The following RAI1 variants were observed in gnomAD, a reference collection of about 807,000 sequenced individuals.
RAI1 encodes retinoic acid induced 1, also known as retinoic acid-induced protein 1.
RAI1 carries 9 observed loss-of-function variants against 123.8 expected under a neutral mutation model. The ratio of observed to expected loss-of-function variants is 0.07; its 90% CI spans 0.04 to 0.13. RAI1 has a LOEUF of 0.13. Ranked by LOEUF, RAI1 falls within the 10% of genes least tolerant of loss-of-function variation. The pLI is 1.00. For synonymous variants in RAI1, 1,231 were observed against 1,127.3 expected (o/e 1.09, Z -1.84); for missense variants, 2,256 against 2,545.8 (o/e 0.89, Z 2.45).
chr17:17,780,896 C>T (rs2031552479), intron 2 of RAI1, among the ~76,000 whole-genome samples: 1 of 152,214 alleles, frequency 6.6e-6, no homozygotes, highest in Non-Finnish European at 1.5e-5. Context: ...CTGGGCCAGC[C>T]TTGCTTTCTG....
At chr17:17,775,601 G>T (rs2031315616) in intron 2 of RAI1, among the ~76,000 whole-genome samples, 1 of 152,138 alleles carries the variant, frequency 6.6e-6, no homozygotes, top group South Asian at 2.1e-4. Context: ...CTAAAGAAAA[G>T]AAAATGTTAT....
intron 2 of RAI1, among the ~76,000 whole-genome samples, chr17:17,731,599 G>A (rs1049953719): frequency 1.3e-5 from 2 of 152,214 alleles, no homozygotes; most frequent in Non-Finnish European, 2.9e-5. Flanking sequence ...GGGACAATGA[G>A]GAGAGGCTTA....
At chr17:17,738,104 G>T (rs1916496742) in intron 2 of RAI1, among the ~76,000 whole-genome samples, 1 of 151,596 alleles carries the variant, frequency 6.6e-6, no homozygotes, top group South Asian at 2.1e-4. Flanking sequence ...GTATGGCATA[G>T]TATGGCCTGA....
chr17:17,722,703 G>T (rs1915924243), intron 1 of RAI1, among the ~76,000 whole-genome samples: 1 of 152,204 alleles, frequency 6.6e-6, no homozygotes, highest in African/African-American at 2.4e-5. Context: ...CCGGCCAGTA[G>T]GCGTCTCCCC....
chr17:17,761,035 T>C (rs1489537984), intron 2 of RAI1, among the ~76,000 whole-genome samples: 1 of 152,208 alleles, frequency 6.6e-6, no homozygotes, highest in Non-Finnish European at 1.5e-5. Flanking sequence ...CAAACAGACC[T>C]GGGTTCAAGC....
chr17:17,795,895 G>A lies in RAI1; in HGVS notation c.2947G>A (p.Glu983Lys), dbSNP rs772512478. Residue 983 changes from glutamate to lysine, a missense_variant, in exon 3 of 6, where the codon GAG becomes AAG. Physicochemically the swap from Glu to Lys is moderately conservative, Grantham distance 56. This residue lies in a region of RAI1 where 566 missense variants were observed against 616.0 expected (regional missense o/e 0.92). Coordinates refer to ENST00000353383, the MANE Select transcript of RAI1 (RefSeq NM_030665.4). This position sits in a 1 kb window ranked among gnomAD's most constrained non-coding sequence, Gnocchi z 5.9. ...AQKPNKPAVP[E>K]APIAKKEPVP... ...GAAGCCCAACAAGCCTGCTGTGCCC[G>A]AGGCGCCCATCGCAAAGAAAGAGCC... 74 of 1,611,580 alleles carry A rather than the reference G, an allele frequency of 4.6e-5. No individual in the cohort carries two copies. Among genetic ancestry groups the A allele is most frequent in the East Asian group, 2.5e-4 (11 of 44,884 alleles).
At chr17:17,742,808 T>G (rs1002233281) in intron 2 of RAI1, among the ~76,000 whole-genome samples, 2 of 152,166 alleles carry the variant, frequency 1.3e-5, no homozygotes, top group African/African-American at 4.8e-5. Context: ...TCTACAACCC[T>G]ATGGGGCCCC....
At chr17:17,717,125 T>A (rs1053393803) in intron 1 of RAI1, among the ~76,000 whole-genome samples, 1 of 151,940 alleles carries the variant, frequency 6.6e-6, no homozygotes, top group Non-Finnish European at 1.5e-5. Context: ...GGGTCAAGAG[T>A]CAGAATGTGG....
intron 2 of RAI1, among the ~76,000 whole-genome samples, chr17:17,739,616 A>G (rs754883499): frequency 2.0e-5 from 3 of 151,996 alleles, no homozygotes; most frequent in Non-Finnish European, 4.4e-5. Context: ...AGCTCCAGAC[A>G]CCGCATCCCC....
rs566627900 is a variant in RAI1, at chr17:17,799,186, C to T, written c.5565+673C>T. Among the ~76,000 whole-genome samples, 6 of 152,312 alleles carry T rather than the reference C, an allele frequency of 3.9e-5. No homozygotes were observed. The highest frequency in any genetic ancestry group is 2.0e-4 in the Admixed American group (3 of 15,312). ...ACTCTGGGGCTGTGCCGCCATGCAC[C>T]TTTGGGGCTGTGACCTGCCCTCTCT... On this transcript the variant is annotated intron_variant, in intron 3 of 5. Transcript: ENST00000353383. The surrounding 1 kb of genome is among the most constrained non-coding windows in gnomAD (Gnocchi z 4.5).
chr17:17,778,290 G>A lies in RAI1; in HGVS notation c.-16-14643G>A, dbSNP rs1029093846. The A allele has an allele frequency of 4.6e-5, 9 of 196,118 alleles. No homozygotes were observed. The Admixed American group carries it at 4.9e-4, about 11-fold the overall frequency. 12.1% of individuals were successfully genotyped at this position (196,118 alleles called of 1,614,324 possible). ...CTCCCCAGCTCTGTCGCAGACATAC[G>A]TGGCTCCCTGGGAGGCATAGAAAGT... On this transcript the variant is annotated intron_variant, in intron 2 of 5. Coordinates refer to ENST00000353383, the MANE Select transcript of RAI1 (RefSeq NM_030665.4).
At chr17:17,779,587 G>A (rs892273100) in intron 2 of RAI1, 1 of 152,504 alleles carries the variant, frequency 6.6e-6, no homozygotes, top group East Asian at 1.9e-4. Flanking sequence ...GGCTACATAG[G>A]GTTTGTATTT....
rs758085514 is a variant in RAI1, at chr17:17,809,353, C to A, written c.5660-37C>A. On this transcript the variant is annotated intron_variant, in intron 4 of 5. Transcript: ENST00000353383. This position sits in a 1 kb window ranked among gnomAD's most constrained non-coding sequence, Gnocchi z 4.9. ...AAACCCCACAGCTGTGGGGCCCCCACCCTGTCCTAACCACCGAAACTTCTC... is the reference window on the plus strand; with the variant it reads ...AAACCCCACAGCTGTGGGGCCCCCAACCTGTCCTAACCACCGAAACTTCTC... 6 of 1,575,614 alleles carry A rather than the reference C, an allele frequency of 3.8e-6. No homozygotes were observed. In the Admixed American group the frequency reaches 1.0e-4, roughly 26 times the overall value.
At chr17:17,698,263 G>T (rs1360868266) in intron 1 of RAI1, among the ~76,000 whole-genome samples, 1 of 152,188 alleles carries the variant, frequency 6.6e-6, no homozygotes, top group East Asian at 1.9e-4. Context: ...CTTCTGGGTG[G>T]CTCATGGCAG....
intron 1 of RAI1, among the ~76,000 whole-genome samples, chr17:17,717,884 A>AG (rs1241182333): frequency 6.6e-6 from 1 of 152,170 alleles, no homozygotes; most frequent in Non-Finnish European, 1.5e-5. Context: ...GCAGGGGTCA[A>AG]GGGGGGCTTA....
intron 2 of RAI1, among the ~76,000 whole-genome samples, chr17:17,763,681 A>G (rs1201369887): frequency 1.3e-5 from 2 of 152,088 alleles, no homozygotes; most frequent in African/African-American, 4.8e-5. Context: ...GGAGTGTAGA[A>G]TCCACGGGAC....
rs1345091760 is a variant in RAI1, at chr17:17,796,881, G to A, written c.3933G>A (p.Gln1311=). Residue 1311 remains glutamine (Q), a synonymous_variant, in exon 3 of 6, where the codon CAG becomes CAA. Transcript: ENST00000353383. This position sits in a 1 kb window ranked among gnomAD's most constrained non-coding sequence, Gnocchi z 5.8. The stretch of plus-strand genomic sequence containing the variant: ...AGCTCGCCTCTCGGGCAGCCTTCCA[G>A]GGGGCCATGAAGACCAAGGTGCTGC... ...CLKLASRAAF[Q]GAMKTKVLPP... The A allele has an allele frequency of 1.2e-6, 2 of 1,613,192 alleles. No individual in the cohort carries two copies. Among genetic ancestry groups the A allele is most frequent in the South Asian group, 1.1e-5 (1 of 91,082 alleles).
At chr17:17,775,464 A>G (rs919781885) in intron 2 of RAI1, among the ~76,000 whole-genome samples, 2 of 152,032 alleles carry the variant, frequency 1.3e-5, no homozygotes, top group Admixed American at 1.3e-4. Context: ...TCCACCTCCC[A>G]AAGTGCTGGA....
At chr17:17,803,434 C>G (rs1469317182) in intron 3 of RAI1, among the ~76,000 whole-genome samples, 1 of 152,004 alleles carries the variant, frequency 6.6e-6, no homozygotes, top group African/African-American at 2.4e-5. Flanking sequence ...TCACTCTTGC[C>G]CAGGCTGGAG....
Sources: allele counts gnomAD v4.1 joint callset (sites outside exome capture counted in the v4.1 genomes callset), GRCh38; gene constraint gnomAD v4.1.1; regional missense constraint gnomAD v4.1.1; non-coding constraint Gnocchi (gnomAD v3.1); transcripts MANE v1.5; gene names NCBI Gene and HGNC (gene_info 2026-07-23, HGNC 2026-07-21).